SERPINI2: variants seen among roughly 807,000 people sequenced by gnomAD.
SERPINI2 encodes the protein serpin family I member 2.
A neutral mutation model predicts 47.3 loss-of-function variants in SERPINI2; 48 were observed. That is an observed-to-expected ratio of 1.02 (90% CI 0.81 to 1.29). The LOEUF is 1.29. SERPINI2 is among the 50% of genes most tolerant of loss of function. SERPINI2 has a pLI of 0.00. For missense variants in SERPINI2, 448 were observed against 456.9 expected, an observed-to-expected ratio of 0.98 and a Z score of 0.18; for synonymous variants, 135 against 149.3, an observed-to-expected ratio of 0.90 and a Z score of 0.70.
chr3:167,452,863 T>G, intron 6 of SERPINI2, 73 bp downstream of exon 6: 1 of 878,626 alleles, frequency 1.1e-6, no homozygotes, highest in Non-Finnish European at 1.8e-6. Flanking sequence ...CTTTCAGTTT[T>G]AAGCTCAGCT....
At chr3:167,448,670 C>G (rs1749550759) in intron 7 of SERPINI2, among the ~76,000 whole-genome samples, 1 of 152,208 alleles carries the variant, frequency 6.6e-6, no homozygotes, top group Non-Finnish European at 1.5e-5. Context: ...CTACAGGCAT[C>G]CGCCACCACG....
At chr3:167,472,347 C>T (rs1242899334) in intron 1 of SERPINI2, among the ~76,000 whole-genome samples, 1 of 152,048 alleles carries the variant, frequency 6.6e-6, no homozygotes, top group East Asian at 1.9e-4. Flanking sequence ...AGTAATCTGG[C>T]TAACTTTTTA....
intron 6 of SERPINI2, among the ~76,000 whole-genome samples, chr3:167,451,004 T>C (rs954453709): frequency 6.6e-6 from 1 of 152,206 alleles, no homozygotes; most frequent in Non-Finnish European, 1.5e-5. Context: ...TTTCTCTTAA[T>C]TTTTAAATGA....
intron 6 of SERPINI2, among the ~76,000 whole-genome samples, chr3:167,451,570 TAACTC>T (rs1205509270): frequency 6.6e-6 from 1 of 152,226 alleles, no homozygotes; most frequent in African/African-American, 2.4e-5. Flanking sequence ...CTCAAATAGG[TAACTC>T]AAGAGGGAAA....
chr3:167,474,065 C>A (rs1308134376), exon 1 of SERPINI2: 1 of 1,036,962 alleles, frequency 9.6e-7, no homozygotes, highest in African/African-American at 1.7e-5. Context: ...CTGGAAAACT[C>A]TTGTACATAA....
At chr3:167,452,215 A>G (rs1167684752) in intron 6 of SERPINI2, among the ~76,000 whole-genome samples, 2 of 152,208 alleles carry the variant, frequency 1.3e-5, no homozygotes, top group African/African-American at 4.8e-5. Context: ...GCCCATTTTT[A>G]TAGAACAGAA....
At chr3:167,451,616 C>T (rs1749642863) in intron 6 of SERPINI2, among the ~76,000 whole-genome samples, 1 of 152,160 alleles carries the variant, frequency 6.6e-6, no homozygotes, top group South Asian at 2.1e-4. Flanking sequence ...TTATTCTTTT[C>T]TGCACTGGGT....
chr3:167,455,725 G>T (rs905777361), intron 5 of SERPINI2, among the ~76,000 whole-genome samples: 1 of 152,172 alleles, frequency 6.6e-6, no homozygotes, highest in Non-Finnish European at 1.5e-5. Context: ...GCTGGCATTT[G>T]TTGGTTACCA....
chr3:167,446,642 T>C (rs1252701620), intron 7 of SERPINI2, 161 bp from the exon 8 acceptor site: 1 of 457,820 alleles, frequency 2.2e-6, no homozygotes, highest in Admixed American at 4.0e-5. Flanking sequence ...TTGCAATAAA[T>C]TTAAAAACCA....
chr3:167,460,502 A>T (rs899315042), intron 5 of SERPINI2, among the ~76,000 whole-genome samples: 1 of 152,250 alleles, frequency 6.6e-6, no homozygotes, highest in Non-Finnish European at 1.5e-5. Context: ...TACATAAGCA[A>T]ATTGTTCCTT....
Position 167,465,041 on chromosome 3 carries a change from T to C in SERPINI2, c.866+165A>G, listed in dbSNP as rs1042248059. ...CATGGTAAAGCAATGCTAGCACAGG[T>C]AAGCCCTGCTTTAGTATCCAAAAGT... On this transcript the variant is annotated intron_variant, in intron 5 of 8. Transcript: ENST00000264677. Among the ~76,000 whole-genome samples, 3 of 152,192 alleles carry C rather than the reference T, an allele frequency of 2.0e-5. No homozygotes were observed. In the East Asian group the frequency reaches 5.8e-4, roughly 29 times the overall value.
At chr3:167,467,150 T>G (rs1044775354) in exon 3 of SERPINI2, 9 of 1,613,466 alleles carry the variant, frequency 5.6e-6, no homozygotes, top group Non-Finnish European at 7.6e-6. Context: ...AAAAAATTCC[T>G]TGTTGCCATG....
exon 2 of SERPINI2, chr3:167,471,764 T>C (rs1319751594): frequency 6.2e-7 from 1 of 1,613,566 alleles, no homozygotes; most frequent in African/African-American, 1.3e-5. Flanking sequence ...GGTATTTTTT[T>C]GAGCTGAGCA....
chr3:167,473,068 T>A (rs1038537195), intron 1 of SERPINI2, among the ~76,000 whole-genome samples: 5 of 151,678 alleles, frequency 3.3e-5, no homozygotes, highest in African/African-American at 1.2e-4. Flanking sequence ...TAAGAACAAC[T>A]ATATTTATAT....
At chr3:167,447,895 T>C (rs1174227552) in intron 7 of SERPINI2, among the ~76,000 whole-genome samples, 1 of 152,166 alleles carries the variant, frequency 6.6e-6, no homozygotes, top group Non-Finnish European at 1.5e-5. Context: ...TGTAAGGGAG[T>C]CCAGTGTGTT....
chr3:167,467,210 G>C (rs1750160157), exon 3 of SERPINI2: 3 of 1,613,276 alleles, frequency 1.9e-6, no homozygotes, highest in East Asian at 4.5e-5. Flanking sequence ...GAGGGCATTG[G>C]CAAGATTAAA....
intron 5 of SERPINI2, 47 bp from the exon 6 acceptor site, chr3:167,453,080 A>AT: frequency 9.4e-7 from 1 of 1,068,132 alleles, no homozygotes; most frequent in Non-Finnish European, 1.4e-6. Context: ...AACACTGCAC[A>AT]TTTTTGCTAC....
chr3:167,446,305 A>C, intron 8 of SERPINI2, 87 bp downstream of exon 8: 1 of 779,768 alleles, frequency 1.3e-6, no homozygotes. Context: ...AGAACAAATG[A>C]CTTCAGATAT....
exon 9 of SERPINI2, chr3:167,442,164 C>T: frequency 6.3e-7 from 1 of 1,598,172 alleles, no homozygotes; most frequent in Non-Finnish European, 8.5e-7. Flanking sequence ...ATTTGTCACT[C>T]TTCCCATAAA....
Sources: gnomAD v4.1 joint callset for allele counts (sites outside exome capture counted in the v4.1 genomes callset) on GRCh38, gnomAD v4.1.1 for gene constraint, MANE v1.5 for transcripts, NCBI Gene and HGNC (gene_info 2026-07-23, HGNC 2026-07-21) for gene names.